The following IFIH1 variants were observed in gnomAD, a reference collection of about 807,000 sequenced individuals.
IFIH1 encodes interferon induced with helicase C domain 1.
A neutral mutation model predicts 107.4 loss-of-function variants in IFIH1; 125 were observed. That is an observed-to-expected ratio of 1.16 (90% CI 1.01 to 1.35). IFIH1 has a LOEUF of 1.35. Among genes scored for constraint, IFIH1 ranks in the 40% most tolerant of loss-of-function variants. The probability of loss-of-function intolerance (pLI) is 0.00; values close to 1 mark genes in which losing one functional copy is unlikely to be tolerated. For synonymous variants in IFIH1, 458 were observed against 413.2 expected (o/e 1.11, Z -1.31); for missense variants, 1,333 against 1,213.7 (o/e 1.10, Z -1.46).
intron 4 of IFIH1, among the ~76,000 whole-genome samples, chr2:162,288,742 C>T (rs72871628): frequency 0.031 from 4,731 of 151,914 alleles, 95 homozygotes; most frequent in Middle Eastern, 0.082. Context: ...GCCACTATGC[C>T]CTGCTTGTTT....
At chr2:162,314,411 C>CTTTCTTTCTTTCT (rs1553461361) in intron 1 of IFIH1, among the ~76,000 whole-genome samples, 3 of 61,096 alleles carry the variant, frequency 4.9e-5, no homozygotes, top group East Asian at 7.3e-4. Context: ...TTCTTTCTTT[C>CTTTCTTTCTTTCT]TTTCTTTTCT....
At chr2:162,311,741 C>T (rs575477639) in intron 1 of IFIH1, among the ~76,000 whole-genome samples, 1 of 152,178 alleles carries the variant, frequency 6.6e-6, no homozygotes, top group East Asian at 1.9e-4. Flanking sequence ...CATGTTTAGA[C>T]ATGAAAGAAG....
In IFIH1 at chr2:162,267,159, T is replaced by G. The variant is rs763412137; in HGVS notation, c.*41A>C. The G allele has an allele frequency of 7.6e-7, 1 of 1,320,142 alleles. No individual in the cohort carries two copies. The highest frequency in any genetic ancestry group is 1.4e-5 in the South Asian group (1 of 73,194). 81.8% of individuals were successfully genotyped at this position (1,320,142 alleles called of 1,614,324 possible). A position where few individuals can be genotyped will look rare whatever the true frequency, so the allele number is the denominator to read the frequency against. Reference sequence around the variant, plus strand: ...ATACATTAATCATAATCATATTAAATGTTTAACTGATAGTATTTTAAAAGA... The same window carrying G: ...ATACATTAATCATAATCATATTAAAGGTTTAACTGATAGTATTTTAAAAGA... On this transcript the variant is annotated 3_prime_UTR_variant, in exon 16 of 16. Transcript: ENST00000649979.
rs1691053210 is a variant in IFIH1 at position 162,272,219 on chromosome 2, A to G, written c.2616+7T>C. The G allele has an allele frequency of 1.2e-6, 2 of 1,608,068 alleles. No individual in the cohort carries two copies. The highest frequency in any genetic ancestry group is 8.5e-7 in the Non-Finnish European group (1 of 1,176,390). The stretch of plus-strand genomic sequence containing the variant: ...TGAAAATCAAATTCAGAGGTGACCA[A>G]CAATACCTTATGAGCATACTCCTCT... On this transcript the variant is annotated splice_region_variant and intron_variant, in intron 13 of 15. Coordinates refer to ENST00000649979, the MANE Select transcript of IFIH1 (RefSeq NM_022168.4).
intron 13 of IFIH1, among the ~76,000 whole-genome samples, chr2:162,270,359 A>C (rs1293524720): frequency 6.6e-6 from 1 of 152,232 alleles, no homozygotes. Flanking sequence ...ATTTCATCTT[A>C]TCTGTCAATT....
At chr2:162,281,196 G>T in intron 7 of IFIH1, 132 bp downstream of exon 7, 1 of 642,556 alleles carries the variant, frequency 1.6e-6, no homozygotes, top group Non-Finnish European at 2.7e-6. Flanking sequence ...TATATTTATT[G>T]TACTAAAGCA....
Position 162,310,820 on chromosome 2 carries a change from T to C in IFIH1, c.567A>G (p.Gly189=). 6.2e-7 allele frequency: 1 copy of C among 1,613,894 alleles called. No individual in the cohort carries two copies. The highest frequency in any genetic ancestry group is 8.5e-7 in the Non-Finnish European group (1 of 1,179,838). ...SAFLNVLRQT[G]NNELVQELTG... is the part of the protein sequence containing the mutation. The stretch of plus-strand genomic sequence containing the variant: ...TTAACTCTTGGACAAGTTCATTGTT[T>C]CCTGTTTGACGAAGAACATTCAGAA... Residue 189 remains glycine (G), a synonymous_variant, in exon 2 of 16, where the codon GGA becomes GGG. Coordinates refer to ENST00000649979, the MANE Select transcript of IFIH1 (RefSeq NM_022168.4).
intron 5 of IFIH1, 99 bp from the exon 6 acceptor site, chr2:162,282,675 GT>G (rs756300761): frequency 4.6e-5 from 32 of 693,800 alleles, no homozygotes; most frequent in Non-Finnish European, 6.3e-5. Context: ...GAAAAGAGGT[GT>G]TTACATTATC....
intron 1 of IFIH1, among the ~76,000 whole-genome samples, chr2:162,313,212 T>C (rs1683411147): frequency 6.6e-6 from 1 of 152,222 alleles, no homozygotes; most frequent in Non-Finnish European, 1.5e-5. Flanking sequence ...GAAGCAATTA[T>C]ATAATTTTAA....
At chr2:162,278,393 T>C (rs1682744737) in intron 8 of IFIH1, 65 bp from the exon 9 acceptor site, 2 of 845,750 alleles carry the variant, frequency 2.4e-6, no homozygotes, top group Admixed American at 2.9e-5. Context: ...ATTATCTTTG[T>C]TAGAATAATT....
At chr2:162,305,924 G>A (rs1683272813) in intron 3 of IFIH1, among the ~76,000 whole-genome samples, 1 of 152,152 alleles carries the variant, frequency 6.6e-6, no homozygotes, top group South Asian at 2.1e-4. Context: ...TCTTATGTTG[G>A]AAGCTTGAAA....
At chr2:162,275,024 T>A (rs138084429) in intron 11 of IFIH1, among the ~76,000 whole-genome samples, 1 of 152,258 alleles carries the variant, frequency 6.6e-6, no homozygotes, top group Non-Finnish European at 1.5e-5. Context: ...AAAACTTACA[T>A]GTTCTTGGAT....
chr2:162,290,263 C>T (rs978787905), intron 4 of IFIH1, among the ~76,000 whole-genome samples: 2 of 151,788 alleles, frequency 1.3e-5, no homozygotes, highest in Admixed American at 6.6e-5. Flanking sequence ...TAAAAGAGTA[C>T]ATTTTAATAA....
At chr2:162,301,436 A>G (rs1028238095) in intron 3 of IFIH1, among the ~76,000 whole-genome samples, 1 of 152,198 alleles carries the variant, frequency 6.6e-6, no homozygotes, top group Admixed American at 6.5e-5. Flanking sequence ...CAGCTGTAAC[A>G]CAATGATTAA....
At chr2:162,315,426 A>G (rs1000048371) in intron 1 of IFIH1, among the ~76,000 whole-genome samples, 1 of 152,228 alleles carries the variant, frequency 6.6e-6, no homozygotes, top group African/African-American at 2.4e-5. Context: ...GTATATCTCA[A>G]TTGCGACATG....
At chr2:162,311,368 T>C (rs972411173) in intron 1 of IFIH1, among the ~76,000 whole-genome samples, 20 of 152,250 alleles carry the variant, frequency 1.3e-4, no homozygotes, top group Non-Finnish European at 2.8e-4. Context: ...AGTCTGTAAA[T>C]GGGAAATCAA....
intron 5 of IFIH1, among the ~76,000 whole-genome samples, chr2:162,286,270 G>A (rs1682892084): frequency 6.6e-6 from 1 of 151,970 alleles, no homozygotes; most frequent in African/African-American, 2.4e-5. Flanking sequence ...TCATTAGGCT[G>A]GAGAATTAGG....
Position 162,282,499 on chromosome 2 carries a change from A to T in IFIH1, c.1173T>A (p.Ser391Arg). ...ATGATATTTTCAGTTGGGTATCACC[A>T]CTTAATCCAATAACACGATACCATT... ...LKKWYRVIGL[S>R]GDTQLKISFP... The change falls in exon 6 of 16, where the codon AGT becomes AGA. Residue 391 changes from serine (S) to arginine (R), a missense_variant. Transcript: ENST00000649979. The T allele has an allele frequency of 1.2e-6, 2 of 1,611,742 alleles. No homozygotes were observed. The highest frequency in any genetic ancestry group is 1.7e-6 in the Non-Finnish European group (2 of 1,178,542).
intron 1 of IFIH1, among the ~76,000 whole-genome samples, chr2:162,313,009 TA>T (rs1173657958): frequency 4.6e-5 from 7 of 152,202 alleles, no homozygotes; most frequent in African/African-American, 2.4e-5. Context: ...TGTGGAATCA[TA>T]TTTTTCAAGC....
Sources: gnomAD v4.1 joint callset for allele counts (sites outside exome capture counted in the v4.1 genomes callset) on GRCh38, gnomAD v4.1.1 for gene constraint, MANE v1.5 for transcripts, NCBI Gene and HGNC (gene_info 2026-07-23, HGNC 2026-07-21) for gene names.